The following GFRA1 variants were observed in gnomAD, a reference collection of about 807,000 sequenced individuals.
GFRA1 encodes the protein GDNF family receptor alpha 1.
A neutral mutation model predicts 51.6 loss-of-function variants in GFRA1; 16 were observed. The ratio of observed to expected loss-of-function variants is 0.31; its 90% CI spans 0.21 to 0.47. The LOEUF (loss-of-function observed/expected upper bound fraction) is 0.47, where lower values mean the gene tolerates loss of function less well. Ranked by LOEUF, GFRA1 falls within the 20% of genes least tolerant of loss-of-function variation. GFRA1 has a pLI of 1.00. For missense variants in GFRA1, 530 were observed against 594.3 expected (o/e 0.89, Z 1.13); for synonymous variants, 270 against 241.3 (o/e 1.12, Z -1.10).
intron 6 of GFRA1, among the ~76,000 whole-genome samples, chr10:116,112,146 CTTATTTCCA>C (rs1391972357): frequency 6.6e-6 from 1 of 152,204 alleles, no homozygotes; most frequent in Admixed American, 6.5e-5. Flanking sequence ...AAGATTTTGT[CTTATTTCCA>C]TTCGATTTTG....
At chr10:116,104,700 C>G (rs1956943792) in intron 6 of GFRA1, among the ~76,000 whole-genome samples, 1 of 152,198 alleles carries the variant, frequency 6.6e-6, no homozygotes, top group African/African-American at 2.4e-5. Flanking sequence ...TCAATTTTGG[C>G]ATCCCTCCCG....
intron 4 of GFRA1, among the ~76,000 whole-genome samples, chr10:116,254,334 A>AC (rs1968646112): frequency 8.5e-6 from 1 of 117,948 alleles, no homozygotes; most frequent in Non-Finnish European, 1.9e-5. Context: ...AAAAAAAAAA[A>AC]AGAAAGAAAG....
chr10:116,136,770 C>T (rs991506427), intron 5 of GFRA1, among the ~76,000 whole-genome samples: 1 of 152,110 alleles, frequency 6.6e-6, no homozygotes, highest in Non-Finnish European at 1.5e-5. Context: ...TTTGGAATCC[C>T]TGAGCAACAT....
intron 8 of GFRA1, among the ~76,000 whole-genome samples, chr10:116,090,432 T>TAAAAAA (rs35493394): frequency 1.6e-4 from 19 of 121,128 alleles, no homozygotes; most frequent in Non-Finnish European, 2.6e-4. Flanking sequence ...CCAGTTTCTT[T>TAAAAAA]AAAAAAAAAA....
intron 5 of GFRA1, among the ~76,000 whole-genome samples, chr10:116,168,191 C>G (rs1394861517): frequency 6.7e-6 from 1 of 148,172 alleles, no homozygotes; most frequent in Non-Finnish European, 1.5e-5. Context: ...GATTGTCATT[C>G]AACAATCATT....
At chr10:116,162,050 T>C (rs934533653) in intron 5 of GFRA1, among the ~76,000 whole-genome samples, 1 of 152,254 alleles carries the variant, frequency 6.6e-6, no homozygotes, top group African/African-American at 2.4e-5. Context: ...TGCCAGCTCT[T>C]ATTCAAGCTC....
intron 9 of GFRA1, among the ~76,000 whole-genome samples, chr10:116,076,293 T>C (rs1028496975): frequency 6.6e-6 from 1 of 152,120 alleles, no homozygotes; most frequent in African/African-American, 2.4e-5. Context: ...TTTGCTGAGA[T>C]GACTGAAACC....
intron 9 of GFRA1, among the ~76,000 whole-genome samples, chr10:116,082,134 T>C (rs1292001658): frequency 6.6e-6 from 1 of 152,186 alleles, no homozygotes; most frequent in Middle Eastern, 3.2e-3. Flanking sequence ...CTTCCTAATG[T>C]CAGCATTGGT....
In GFRA1 at chr10:116,269,503, C is replaced by G; in HGVS notation, c.418G>C (p.Asp140His). The change falls in exon 4 of 11, where the codon GAT becomes CAT. Residue 140 changes from aspartate to histidine, a missense_variant and splice_region_variant. By Grantham distance (81) the Asp-to-His change is moderately conservative (BLOSUM62 -1). Transcript: ENST00000355422. ...DIFRVVPFISDVFQQVEHIPK... is the reference protein window; with the variant it reads ...DIFRVVPFISHVFQQVEHIPK... ...AGCATGGAAGTATAAATCTGCTTACCTGATATGAATGGGACCACCCGGAAT... is the reference window on the plus strand; with the variant it reads ...AGCATGGAAGTATAAATCTGCTTACGTGATATGAATGGGACCACCCGGAAT... 4 of 1,559,648 alleles carry G rather than the reference C, an allele frequency of 2.6e-6. No individual in the cohort carries two copies. The highest frequency in any genetic ancestry group is 2.7e-6 in the Non-Finnish European group (3 of 1,130,488).
intron 4 of GFRA1, among the ~76,000 whole-genome samples, chr10:116,228,938 G>A (rs145502358): frequency 0.029 from 3,734 of 128,382 alleles, 53 homozygotes; most frequent in Middle Eastern, 0.054. Flanking sequence ...CCAAGATCGC[G>A]CCACTGCACT....
At chr10:116,166,921 T>A (rs1164969663) in intron 5 of GFRA1, among the ~76,000 whole-genome samples, 1 of 145,830 alleles carries the variant, frequency 6.9e-6, no homozygotes, top group Non-Finnish European at 1.5e-5. Flanking sequence ...TGCCTCAGCC[T>A]CCCGAGTAGC....
chr10:116,124,680 G>A (rs544576295), intron 6 of GFRA1, among the ~76,000 whole-genome samples: 11 of 152,272 alleles, frequency 7.2e-5, no homozygotes, highest in African/African-American at 2.2e-4. Context: ...CTGAGATCTG[G>A]GAGATGAGCT....
intron 5 of GFRA1, 113 bp downstream of exon 5, chr10:116,211,518 A>C: frequency 3.0e-6 from 3 of 994,460 alleles, no homozygotes; most frequent in Non-Finnish European, 4.7e-6. Context: ...TGAGGGCCTA[A>C]ATGACATGTC....
intron 5 of GFRA1, among the ~76,000 whole-genome samples, chr10:116,142,532 T>C (rs1002410392): frequency 6.6e-6 from 1 of 152,206 alleles, no homozygotes; most frequent in African/African-American, 2.4e-5. Context: ...TAATTGTTTA[T>C]TACCAAAAGT....
At chr10:116,187,713 G>A (rs1032397836) in intron 5 of GFRA1, among the ~76,000 whole-genome samples, 1 of 152,138 alleles carries the variant, frequency 6.6e-6, no homozygotes, top group Non-Finnish European at 1.5e-5. Flanking sequence ...AAGGCACAAA[G>A]AAAGCATCCA....
intron 5 of GFRA1, among the ~76,000 whole-genome samples, chr10:116,196,065 C>T (rs982891747): frequency 6.6e-6 from 1 of 151,902 alleles, no homozygotes; most frequent in African/African-American, 2.4e-5. Flanking sequence ...CAGCCAGGGC[C>T]CTGCACTTCT....
chr10:116,123,644 T>C (rs182596938), intron 6 of GFRA1, among the ~76,000 whole-genome samples: 15 of 152,192 alleles, frequency 9.9e-5, no homozygotes, highest in African/African-American at 3.6e-4. Context: ...AACAAGTACA[T>C]GGTCATAAAC....
In GFRA1 at chr10:116,059,100, C is replaced by G. The variant is rs896222402; in HGVS notation, c.*5298G>C. ...GTCACCCTCAAAAACCTCAGGAGGA[C>G]ACATTCAGGGTCAATACAGCTCAAT... On this transcript the variant is annotated 3_prime_UTR_variant, in exon 11 of 11. Coordinates refer to ENST00000355422, the MANE Select transcript of GFRA1 (RefSeq NM_005264.8). The G allele has an allele frequency of 6.6e-6, 1 of 152,188 alleles. No homozygotes were observed. The highest frequency in any genetic ancestry group is 1.5e-5 in the Non-Finnish European group (1 of 68,050). The allele number at this position is 152,188 out of a possible 1,614,324, so 9.4% of individuals were successfully genotyped here. A position where few individuals can be genotyped will look rare whatever the true frequency, so the allele number is the denominator to read the frequency against.
intron 5 of GFRA1, among the ~76,000 whole-genome samples, chr10:116,147,864 C>CG (rs990206183): frequency 4.6e-5 from 7 of 151,930 alleles, no homozygotes; most frequent in African/African-American, 7.3e-5. Flanking sequence ...TATCCGCTTC[C>CG]GGGGGACCCC....
Sources: allele counts gnomAD v4.1 joint callset (sites outside exome capture counted in the v4.1 genomes callset), GRCh38; gene constraint gnomAD v4.1.1; transcripts MANE v1.5; gene names NCBI Gene and HGNC (gene_info 2026-07-23, HGNC 2026-07-21).